Variants in URI1 observed in about 807,000 individuals in gnomAD.
URI1 encodes unconventional prefoldin RPB5 interactor 1.
A neutral mutation model predicts 60.2 loss-of-function variants in URI1; 39 were observed. The ratio of observed to expected loss-of-function variants is 0.65; its 90% CI spans 0.50 to 0.85. The LOEUF is 0.85. Among genes scored for constraint, URI1 ranks in the 40% least tolerant of loss-of-function variants. The pLI, the probability that URI1 is intolerant of heterozygous loss-of-function variation, is 0.00. For synonymous variants in URI1, 251 were observed against 236.8 expected (o/e 1.06, Z -0.55); for missense variants, 691 against 665.9 (o/e 1.04, Z -0.42).
intron 1 of URI1, among the ~76,000 whole-genome samples, chr19:29,930,383 G>A (rs929225581): frequency 1.3e-5 from 2 of 152,178 alleles, no homozygotes; most frequent in East Asian, 3.9e-4. Context: ...GGTTTCTTCT[G>A]TGTTTGACTT....
At chr19:29,938,405 A>G (rs1441690817), upstream of URI1, among the ~76,000 whole-genome samples, 1 of 152,220 alleles carries the variant, frequency 6.6e-6, no homozygotes. Flanking sequence ...TTACTGCAGA[A>G]GAGCAGCAAA....
chr19:29,929,238 A>T (rs1054637930), intron 1 of URI1, among the ~76,000 whole-genome samples: 2 of 152,072 alleles, frequency 1.3e-5, no homozygotes, highest in Non-Finnish European at 2.9e-5. Context: ...TTATCTTCCC[A>T]CCAGGAATGA....
chr19:29,975,360 A>G (rs935100971), intron 2 of URI1, among the ~76,000 whole-genome samples: 1 of 150,032 alleles, frequency 6.7e-6, no homozygotes, highest in Admixed American at 6.6e-5. Flanking sequence ...GAAAGACTAT[A>G]TATTAACTTT....
chr19:29,970,128 ATTTTTTTTTTT>A (rs199739403), intron 1 of URI1, among the ~76,000 whole-genome samples: 10,559 of 74,550 alleles, frequency 0.14, 664 homozygotes, highest in East Asian at 0.31. Context: ...AATCGTGTGT[ATTTTTTTTTTT>A]TTTTTTTTTT....
intron 9 of URI1, 36 bp from the exon 10 acceptor site, chr19:30,012,249 C>G (rs752763971): frequency 6.3e-7 from 1 of 1,577,690 alleles, no homozygotes; most frequent in Non-Finnish European, 8.6e-7. Flanking sequence ...TTATGAGTTA[C>G]GTATAGTGAA....
At chr19:29,963,345 T>G (rs184316539) in intron 1 of URI1, among the ~76,000 whole-genome samples, 34 of 152,306 alleles carry the variant, frequency 2.2e-4, no homozygotes, top group African/African-American at 8.2e-4. Context: ...TTTTGACCTG[T>G]CAAGTTCAAA....
Position 29,974,512 on chromosome 19 carries a change from A to G in URI1, c.152+3285A>G, listed in dbSNP as rs148035728. On this transcript the variant is annotated intron_variant, in intron 2 of 10. Transcript: ENST00000392271. Reference sequence around the variant, plus strand: ...CTCATGTACTCATCAGTCGGCTTTGATAATCATCAACTCATGATTTTCTCT... The same window carrying G: ...CTCATGTACTCATCAGTCGGCTTTGGTAATCATCAACTCATGATTTTCTCT... Among the ~76,000 whole-genome samples, 531 of 152,328 alleles carry G rather than the reference A, an allele frequency of 3.5e-3. 5 individuals carry two copies. Among genetic ancestry groups the G allele is most frequent in the African/African-American group, 0.012 (516 of 41,560 alleles).
chr19:29,961,661 A>G (rs1251494030), intron 1 of URI1, among the ~76,000 whole-genome samples: 1 of 125,298 alleles, frequency 8.0e-6, no homozygotes, highest in African/African-American at 3.0e-5. Context: ...TCTGCTTTTG[A>G]TTCTTTTTTT....
intron 3 of URI1, 152 bp downstream of exon 3, chr19:29,985,453 T>A: frequency 1.9e-6 from 1 of 530,488 alleles, no homozygotes. Flanking sequence ...AAGAACACAG[T>A]AATTGTAGTA....
chr19:29,990,850 G>A (rs1035882269), intron 4 of URI1, among the ~76,000 whole-genome samples: 5 of 152,104 alleles, frequency 3.3e-5, no homozygotes, highest in African/African-American at 9.7e-5. Context: ...CATTTTAAAT[G>A]GGTGAATTGT....
chr19:30,014,772 C>G, intron 10 of URI1, 115 bp from the exon 11 acceptor site: 1 of 1,043,474 alleles, frequency 9.6e-7, no homozygotes. Context: ...TGTTGTCTAG[C>G]CAAAAATCTC....
chr19:29,964,500 C>T (rs1348638916), intron 1 of URI1, among the ~76,000 whole-genome samples: 12 of 134,142 alleles, frequency 8.9e-5, no homozygotes, highest in African/African-American at 1.7e-4. Flanking sequence ...GTTTTGCTCT[C>T]GTTGCCCAGG....
chr19:30,004,783 A>G (rs1458801013), intron 4 of URI1, among the ~76,000 whole-genome samples: 1 of 152,040 alleles, frequency 6.6e-6, no homozygotes, highest in African/African-American at 2.4e-5. Flanking sequence ...GTCTATTCTC[A>G]AATTAAAATT....
intron 1 of URI1, among the ~76,000 whole-genome samples, chr19:29,966,153 T>G (rs1387914650): frequency 1.3e-5 from 2 of 152,184 alleles, no homozygotes; most frequent in Non-Finnish European, 2.9e-5. Context: ...TTTATTTATT[T>G]ATTTATTTTT....
At chr19:29,952,469 A>G (rs953222430) in intron 1 of URI1, among the ~76,000 whole-genome samples, 1 of 152,158 alleles carries the variant, frequency 6.6e-6, no homozygotes, top group Non-Finnish European at 1.5e-5. Context: ...CTTTTTTAAC[A>G]TTCACTAAGT....
At chr19:29,939,009 C>T (rs181392301), upstream of URI1, among the ~76,000 whole-genome samples, 5 of 136,762 alleles carry the variant, frequency 3.7e-5, no homozygotes, top group African/African-American at 1.4e-4. Flanking sequence ...AGGAGTTTCA[C>T]TCTTGTTGCC....
chr19:29,929,288 T>C (rs1019113984), intron 1 of URI1, among the ~76,000 whole-genome samples: 1 of 152,116 alleles, frequency 6.6e-6, no homozygotes, highest in African/African-American at 2.4e-5. Flanking sequence ...CCAACATTTA[T>C]TTTCCATTAA....
At chr19:29,955,599 C>T (rs946961323) in intron 1 of URI1, among the ~76,000 whole-genome samples, 3 of 151,904 alleles carry the variant, frequency 2.0e-5, no homozygotes, top group African/African-American at 4.8e-5. Flanking sequence ...CTAGGAATTC[C>T]TTGAATTGGC....
chr19:29,940,398 C>T (rs958113060), upstream of URI1, among the ~76,000 whole-genome samples: 1 of 152,138 alleles, frequency 6.6e-6, no homozygotes, highest in Non-Finnish European at 1.5e-5. Flanking sequence ...CCTGTAATCC[C>T]AGCACTTTAG....
Sources: gnomAD v4.1 joint callset for allele counts (sites outside exome capture counted in the v4.1 genomes callset) on GRCh38, gnomAD v4.1.1 for gene constraint, MANE v1.5 for transcripts, NCBI Gene and HGNC (gene_info 2026-07-23, HGNC 2026-07-21) for gene names.